The following HECW2 variants were observed in gnomAD, a reference collection of about 807,000 sequenced individuals.
HECW2 encodes the protein E3 ubiquitin-protein ligase HECW2.
HECW2 carries 61 observed loss-of-function variants against 175.2 expected under a neutral mutation model. The ratio of observed to expected loss-of-function variants is 0.35; its 90% CI spans 0.28 to 0.43. The LOEUF (loss-of-function observed/expected upper bound fraction) is 0.43. Among genes scored for constraint, HECW2 ranks in the 20% least tolerant of loss-of-function variants. HECW2 has a pLI of 1.00. For missense variants in HECW2, 1,524 were observed against 2,000.5 expected (o/e 0.76, Z 4.54); for synonymous variants, 671 against 731.0 (o/e 0.92, Z 1.32).
chr2:196,579,287 G>T (rs975308018), intron 1 of HECW2, among the ~76,000 whole-genome samples: 1 of 151,916 alleles, frequency 6.6e-6, no homozygotes, highest in Non-Finnish European at 1.5e-5. Flanking sequence ...GAATTAAAAT[G>T]GTACACTGGA....
At chr2:196,341,861 C>T (rs1198744918) in intron 3 of HECW2, among the ~76,000 whole-genome samples, 1 of 152,164 alleles carries the variant, frequency 6.6e-6, no homozygotes, top group Non-Finnish European at 1.5e-5. Flanking sequence ...AATGGCAATT[C>T]AAAGTAACAG....
intron 1 of HECW2, among the ~76,000 whole-genome samples, chr2:196,475,573 C>G (rs761169882): frequency 6.6e-6 from 1 of 152,196 alleles, no homozygotes; most frequent in African/African-American, 2.4e-5. Context: ...TCTGCATGAT[C>G]CCCACTTACT....
chr2:196,275,529 G>A (rs566635473), intron 15 of HECW2, among the ~76,000 whole-genome samples: 81 of 152,156 alleles, frequency 5.3e-4, no homozygotes, highest in African/African-American at 1.7e-3. Context: ...CAAGGCGGGC[G>A]GATTACAAGG....
At position 196,371,019 on chromosome 2, in the gene HECW2, T is replaced by C. The variant is rs1030953149; in HGVS notation, c.293-27255A>G. 3.9e-5 allele frequency among the ~76,000 whole-genome samples: 6 copies of C among 152,208 alleles called. No individual in the cohort carries two copies. In the South Asian group the frequency reaches 6.2e-4, roughly 16 times the overall value. ...TTGCTCATCTGATTTTTGGTTCTTA[T>C]GAAGGTGTTTTTTTGTGTGTGGAGA... On this transcript the variant is annotated intron_variant, in intron 2 of 28. Transcript: ENST00000644978.
chr2:196,512,021 T>G (rs990332471), intron 1 of HECW2, among the ~76,000 whole-genome samples: 3 of 152,188 alleles, frequency 2.0e-5, no homozygotes, highest in Non-Finnish European at 4.4e-5. Flanking sequence ...TTTAACACAC[T>G]ACTCTATGCC....
At chr2:196,524,068 T>C (rs1442322617) in intron 1 of HECW2, among the ~76,000 whole-genome samples, 1 of 145,270 alleles carries the variant, frequency 6.9e-6, no homozygotes, top group Non-Finnish European at 1.5e-5. Context: ...TTCCTCCTTG[T>C]ACCTCTGGTA....
chr2:196,287,195 G>C (rs987084348), intron 14 of HECW2, among the ~76,000 whole-genome samples: 2 of 152,132 alleles, frequency 1.3e-5, no homozygotes, highest in Non-Finnish European at 2.9e-5. Flanking sequence ...CTCCCAATCT[G>C]ACACCCAAAG....
chr2:196,342,961 C>A (rs903402798), intron 3 of HECW2, among the ~76,000 whole-genome samples: 4 of 550 alleles, frequency 7.3e-3, no homozygotes, highest in Non-Finnish European at 0.018. Context: ...AATTTATATA[C>A]CATACATTAT....
intron 6 of HECW2, among the ~76,000 whole-genome samples, chr2:196,323,899 G>GTTTTTTTTTTTTTTTT (rs1183919803): frequency 1.7e-5 from 2 of 118,140 alleles, no homozygotes; most frequent in African/African-American, 3.6e-5. Flanking sequence ...GCCCTTAAGA[G>GTTTTTTTTTTTTTTTT]TTTTTTTTGT....
At chr2:196,519,400 C>T (rs1193640997) in intron 1 of HECW2, among the ~76,000 whole-genome samples, 3 of 152,182 alleles carry the variant, frequency 2.0e-5, no homozygotes, top group Non-Finnish European at 2.9e-5. Flanking sequence ...AAACAGAAAA[C>T]AGCACTAGCA....
At position 196,511,278 on chromosome 2, in the gene HECW2, C is replaced by A. The variant is rs574979507; in HGVS notation, c.-35-77820G>T. Among the ~76,000 whole-genome samples the A allele has an allele frequency of 5.3e-5, 8 of 152,306 alleles. No individual in the cohort carries two copies. The South Asian group carries it at 1.2e-3, about 24-fold the overall frequency. On this transcript the variant is annotated intron_variant, in intron 1 of 28. Coordinates refer to ENST00000644978, the MANE Select transcript of HECW2 (RefSeq NM_001348768.2). ...AATATTAAATTCCTAAATGTGAAATCACAACCTCAAAAAATATAATTAAAT... is the reference window on the plus strand; with the variant it reads ...AATATTAAATTCCTAAATGTGAAATAACAACCTCAAAAAATATAATTAAAT...
Position 196,215,984 on chromosome 2 carries a change from A to G in HECW2, c.4495-7T>C, listed in dbSNP as rs1217056915. On this transcript the variant is annotated splice_region_variant and splice_polypyrimidine_tract_variant and intron_variant, in intron 27 of 28. Coordinates refer to ENST00000644978, the MANE Select transcript of HECW2 (RefSeq NM_001348768.2). The stretch of plus-strand genomic sequence containing the variant: ...TGGATGTGCCTGTAACAAACTGTCA[A>G]CCCAAGAAAACAGAAGGAGAAGGTG... 3 of 1,595,230 alleles carry G rather than the reference A, an allele frequency of 1.9e-6. No homozygotes were observed. The highest frequency in any genetic ancestry group is 2.2e-5 in the East Asian group (1 of 44,782).
At chr2:196,231,476 C>T (rs569616024) in intron 21 of HECW2, among the ~76,000 whole-genome samples, 4 of 152,198 alleles carry the variant, frequency 2.6e-5, no homozygotes, top group African/African-American at 7.2e-5. Flanking sequence ...CAATCTGCCC[C>T]ACCCTCTGGT....
intron 2 of HECW2, among the ~76,000 whole-genome samples, chr2:196,413,611 C>T (rs1695174995): frequency 6.6e-6 from 1 of 152,128 alleles, no homozygotes; most frequent in Non-Finnish European, 1.5e-5. Flanking sequence ...TCCCAAAGTG[C>T]TGGGATTACA....
chr2:196,557,127 G>A (rs1335050921), intron 1 of HECW2, among the ~76,000 whole-genome samples: 1 of 152,280 alleles, frequency 6.6e-6, no homozygotes, highest in Non-Finnish European at 1.5e-5. Flanking sequence ...AGGGTGCAGT[G>A]ACTCATGTCT....
At chr2:196,227,961 CA>C (rs1189783496) in intron 22 of HECW2, 140 bp downstream of exon 22, 20 of 674,642 alleles carry the variant, frequency 3.0e-5, no homozygotes, top group Non-Finnish European at 4.7e-5. Context: ...ACAATAAAAA[CA>C]AGAGTCAAAT....
intron 2 of HECW2, among the ~76,000 whole-genome samples, chr2:196,367,629 TC>T (rs1469300489): frequency 6.6e-6 from 1 of 152,116 alleles, no homozygotes; most frequent in East Asian, 1.9e-4. Flanking sequence ...CATCTGCACT[TC>T]CCCCGCAACC....
At chr2:196,584,261 A>T (rs1369039654) in intron 1 of HECW2, among the ~76,000 whole-genome samples, 1 of 152,198 alleles carries the variant, frequency 6.6e-6, no homozygotes, top group Non-Finnish European at 1.5e-5. Context: ...AGATGAGTCT[A>T]GGGTATTTAT....
intron 1 of HECW2, among the ~76,000 whole-genome samples, chr2:196,587,916 A>T (rs1442989323): frequency 1.3e-5 from 2 of 152,126 alleles, no homozygotes; most frequent in Non-Finnish European, 2.9e-5. Context: ...CATCATGCTG[A>T]TCTTGCAAAT....
Sources: allele counts gnomAD v4.1 joint callset (sites outside exome capture counted in the v4.1 genomes callset), GRCh38; gene constraint gnomAD v4.1.1; transcripts MANE v1.5; gene names NCBI Gene and HGNC (gene_info 2026-07-23, HGNC 2026-07-21).